GRIA1: variants seen among roughly 807,000 people sequenced by gnomAD.
GRIA1 encodes glutamate receptor 1.
A neutral mutation model predicts 99.2 loss-of-function variants in GRIA1; 31 were observed. The observed-to-expected ratio is 0.31, with a 90% CI of 0.23 to 0.42. The LOEUF (loss-of-function observed/expected upper bound fraction) is 0.42, where lower values mean the gene tolerates loss of function less well. GRIA1 is among the 10% of genes least tolerant of loss of function. GRIA1 has a pLI of 1.00. For synonymous variants in GRIA1, 438 were observed against 432.4 expected, an observed-to-expected ratio of 1.01 and a Z score of -0.16; for missense variants, 782 against 1,157.5, an observed-to-expected ratio of 0.68 and a Z score of 4.71.
chr5:153,490,618 G>T (rs1041693847), upstream of GRIA1: 2 of 514,764 alleles, frequency 3.9e-6, no homozygotes, highest in African/African-American at 3.9e-5. Flanking sequence ...GAGAGGGAGT[G>T]GGGGAGCCAG....
chr5:153,571,767 T>C (rs1421469182), intron 2 of GRIA1, among the ~76,000 whole-genome samples: 2 of 152,192 alleles, frequency 1.3e-5, no homozygotes, highest in South Asian at 2.1e-4. Flanking sequence ...AAAATGAGCA[T>C]TGCTATATTT....
chr5:153,773,464 C>T (rs1357187770), intron 13 of GRIA1, among the ~76,000 whole-genome samples: 1 of 152,160 alleles, frequency 6.6e-6, no homozygotes, highest in African/African-American at 2.4e-5. Context: ...CCAGAGCAAC[C>T]ACTCACCACT....
chr5:153,678,344 G>GT (rs1441914121), intron 7 of GRIA1, among the ~76,000 whole-genome samples: 1 of 152,200 alleles, frequency 6.6e-6, no homozygotes, highest in Non-Finnish European at 1.5e-5. Context: ...CAGCCCTGAT[G>GT]AGTGCCTTTC....
At position 153,811,260 on chromosome 5, in the gene GRIA1, CG is replaced by C; in HGVS notation, c.*38del. On this transcript the variant is annotated 3_prime_UTR_variant, in exon 16 of 16. Transcript: ENST00000285900. ...ATGGAGACCCCTTGGGGAGCAGGCTCGGGCTCCCCAGCCCCATCCCAAACCC... is the reference window on the plus strand; with the variant it reads ...ATGGAGACCCCTTGGGGAGCAGGCTCGGCTCCCCAGCCCCATCCCAAACCC... 1 of 1,544,428 alleles carries C rather than the reference CG, an allele frequency of 6.5e-7. No homozygotes were observed. Among genetic ancestry groups the C allele is most frequent in the Non-Finnish European group, 8.9e-7 (1 of 1,117,652 alleles).
chr5:153,742,150 G>A (rs1761848263), intron 11 of GRIA1, among the ~76,000 whole-genome samples: 1 of 152,134 alleles, frequency 6.6e-6, no homozygotes, highest in African/African-American at 2.4e-5. Flanking sequence ...ACCTGGCTGA[G>A]GGGGTCCAGA....
intron 2 of GRIA1, among the ~76,000 whole-genome samples, chr5:153,572,843 C>T (rs13189836): frequency 5.9e-5 from 9 of 152,104 alleles, no homozygotes; most frequent in African/African-American, 7.2e-5. Context: ...CTTGAATTTT[C>T]ATTGGCTCTA....
intron 2 of GRIA1, among the ~76,000 whole-genome samples, chr5:153,563,908 A>C (rs1761386298): frequency 6.6e-6 from 1 of 152,226 alleles, no homozygotes; most frequent in Non-Finnish European, 1.5e-5. Flanking sequence ...ATGAAATGTT[A>C]AATAATAAGA....
chr5:153,566,982 G>T (rs948298580), intron 2 of GRIA1, among the ~76,000 whole-genome samples: 4 of 152,172 alleles, frequency 2.6e-5, no homozygotes, highest in Admixed American at 1.3e-4. Context: ...CTCCCAAAGT[G>T]CTGGGATTAC....
chr5:153,791,091 C>T (rs904233380), intron 13 of GRIA1, among the ~76,000 whole-genome samples: 5 of 151,758 alleles, frequency 3.3e-5, no homozygotes, highest in African/African-American at 1.2e-4. Flanking sequence ...GAACCAGAAT[C>T]GCCCCCGGGC....
intron 11 of GRIA1, among the ~76,000 whole-genome samples, chr5:153,724,531 C>T (rs1462773943): frequency 6.6e-6 from 1 of 152,124 alleles, no homozygotes; most frequent in Non-Finnish European, 1.5e-5. Flanking sequence ...ACTAGAATAA[C>T]CAATACAGAG....
At chr5:153,525,417 A>AT (rs761123707) in intron 2 of GRIA1, 1 of 152,068 alleles carries the variant, frequency 6.6e-6, no homozygotes, top group Non-Finnish European at 1.5e-5. Flanking sequence ...ACCTCATTCT[A>AT]TTTTTTGTAC....
At chr5:153,505,798 T>C (rs761853975) in intron 2 of GRIA1, among the ~76,000 whole-genome samples, 2 of 152,260 alleles carry the variant, frequency 1.3e-5, no homozygotes, top group Middle Eastern at 3.4e-3. Context: ...AAATAAAATA[T>C]ATAGAGAGAG....
chr5:153,750,570 T>C lies in GRIA1; in HGVS notation c.1824-13864T>C, dbSNP rs576858990. On this transcript the variant is annotated intron_variant, in intron 11 of 15. Coordinates refer to ENST00000285900, the MANE Select transcript of GRIA1 (RefSeq NM_000827.4). ...AGAGTTGATTGCTGCTTAATAACTTTCCACTCCCTACACAGGCCCCAAGTG... is the reference window on the plus strand; with the variant it reads ...AGAGTTGATTGCTGCTTAATAACTTCCCACTCCCTACACAGGCCCCAAGTG... 7.9e-5 allele frequency among the ~76,000 whole-genome samples: 12 copies of C among 152,088 alleles called. No homozygotes were observed. The South Asian group carries it at 2.1e-3, about 26-fold the overall frequency.
intron 2 of GRIA1, among the ~76,000 whole-genome samples, chr5:153,528,726 G>C (rs938591459): frequency 1.3e-5 from 2 of 152,208 alleles, no homozygotes; most frequent in African/African-American, 4.8e-5. Flanking sequence ...TCTTCATCCA[G>C]TGTCTCCTCT....
chr5:153,589,981 T>TA (rs1763814630), intron 2 of GRIA1, among the ~76,000 whole-genome samples: 1 of 152,204 alleles, frequency 6.6e-6, no homozygotes. Flanking sequence ...AGTAAACAAA[T>TA]ACCATTGTTT....
At chr5:153,798,302 C>T (rs1045435857) in intron 14 of GRIA1, among the ~76,000 whole-genome samples, 7 of 152,182 alleles carry the variant, frequency 4.6e-5, no homozygotes, top group African/African-American at 1.4e-4. Flanking sequence ...CTCAGGGAAA[C>T]GGTCCTTAAG....
intron 2 of GRIA1, among the ~76,000 whole-genome samples, chr5:153,585,297 CTCTTT>C (rs1763375899): frequency 7.8e-6 from 1 of 128,908 alleles, no homozygotes; most frequent in Non-Finnish European, 1.6e-5. Context: ...CTTTCTCTCT[CTCTTT>C]TTTTTTTTTT....
chr5:153,781,155 C>A (rs1764600035), intron 13 of GRIA1, among the ~76,000 whole-genome samples: 1 of 152,048 alleles, frequency 6.6e-6, no homozygotes, highest in Non-Finnish European at 1.5e-5. Flanking sequence ...GGGGCAAAAG[C>A]CCAGGTGAAT....
chr5:153,557,454 T>G (rs1201761843), intron 2 of GRIA1, among the ~76,000 whole-genome samples: 1 of 152,186 alleles, frequency 6.6e-6, no homozygotes, highest in Non-Finnish European at 1.5e-5. Context: ...TAAAGTGAAC[T>G]TGGCTTACTG....
Sources: allele counts gnomAD v4.1 joint callset (sites outside exome capture counted in the v4.1 genomes callset), GRCh38; gene constraint gnomAD v4.1.1; transcripts MANE v1.5; gene names NCBI Gene and HGNC (gene_info 2026-07-23, HGNC 2026-07-21).